COL19A1: variants seen among roughly 807,000 people sequenced by gnomAD.
COL19A1 encodes the protein collagen alpha-1(XIX) chain.
COL19A1 carries 159 observed loss-of-function variants against 190.2 expected under a neutral mutation model. The observed-to-expected ratio is 0.84, with a 90% CI of 0.73 to 0.95. COL19A1 has a LOEUF of 0.95. COL19A1 is among the 40% of genes least tolerant of loss of function. The pLI is 0.00. For missense variants in COL19A1, 1,418 were observed against 1,431.9 expected (o/e 0.99, Z 0.16); for synonymous variants, 509 against 458.9 (o/e 1.11, Z -1.39).
At chr6:70,091,118 C>A (rs555363503) in intron 15 of COL19A1, among the ~76,000 whole-genome samples, 1 of 152,216 alleles carries the variant, frequency 6.6e-6, no homozygotes, top group South Asian at 2.1e-4. Context: ...AAATTCGTAT[C>A]TTTATTTATT....
At chr6:70,051,069 A>G (rs1464829165) in intron 14 of COL19A1, among the ~76,000 whole-genome samples, 1 of 152,140 alleles carries the variant, frequency 6.6e-6, no homozygotes, top group Admixed American at 6.6e-5. Context: ...TTTCAACTCT[A>G]AAATTCTGTT....
intron 9 of COL19A1, among the ~76,000 whole-genome samples, chr6:69,954,459 C>G (rs572860331): frequency 6.6e-6 from 1 of 151,930 alleles, no homozygotes; most frequent in African/African-American, 2.4e-5. Flanking sequence ...TAGAAAACTT[C>G]GCTGAGGAAA....
intron 11 of COL19A1, among the ~76,000 whole-genome samples, chr6:69,995,351 A>C (rs1776845271): frequency 1.3e-5 from 2 of 152,184 alleles, no homozygotes; most frequent in Non-Finnish European, 2.9e-5. Context: ...ATCACTATCT[A>C]ATAGTATATT....
chr6:70,192,720 T>C (rs1038925221), intron 48 of COL19A1, among the ~76,000 whole-genome samples: 1 of 152,192 alleles, frequency 6.6e-6, no homozygotes, highest in African/African-American at 2.4e-5. Flanking sequence ...TAAAAAATGA[T>C]TAAGAATTTT....
chr6:69,925,899 G>T (rs1212680861), intron 4 of COL19A1, among the ~76,000 whole-genome samples: 1 of 152,122 alleles, frequency 6.6e-6, no homozygotes, highest in Non-Finnish European at 1.5e-5. Flanking sequence ...TTTGTTATTG[G>T]TGTATAAGAA....
chr6:70,207,073 C>T (rs2150312795), intron 50 of COL19A1, 74 bp from the exon 51 acceptor site: 1 of 1,600,794 alleles, frequency 6.2e-7, no homozygotes, highest in East Asian at 2.2e-5. Context: ...TCGAGTGATC[C>T]ATGTTGGCTA....
intron 14 of COL19A1, among the ~76,000 whole-genome samples, chr6:70,061,223 TA>T (rs1419403985): frequency 1.3e-5 from 2 of 152,192 alleles, no homozygotes; most frequent in East Asian, 3.8e-4. Flanking sequence ...CTAATGATAA[TA>T]TTAAAATTAT....
intron 25 of COL19A1, among the ~76,000 whole-genome samples, chr6:70,146,357 T>A (rs1270165401): frequency 1.3e-5 from 2 of 152,184 alleles, no homozygotes; most frequent in Non-Finnish European, 2.9e-5. Context: ...ATAACCAATG[T>A]TTTTAAAATA....
chr6:70,154,926 G>A (rs1679654547), intron 31 of COL19A1, among the ~76,000 whole-genome samples: 1 of 152,094 alleles, frequency 6.6e-6, no homozygotes, highest in Non-Finnish European at 1.5e-5. Flanking sequence ...CTGATTAGAT[G>A]GTGCTCACCC....
At position 70,176,526 on chromosome 6, in the gene COL19A1, C is replaced by G. The variant is rs773583688; in HGVS notation, c.2629C>G (p.Arg877Gly). The G allele has an allele frequency of 1.9e-6, 3 of 1,613,326 alleles. No individual in the cohort carries two copies. The African/African-American group carries it at 4.0e-5, about 22-fold the overall frequency. ...TGTTTTTAAATCCCAACAGGGAGAT[C>G]GAGGCCCAGCAGGTCCCCCAGGAAT... ...LEGFPGVKGD[R>G]GPAGPPGIAG... Residue 877 changes from arginine (R) to glycine (G), a missense_variant, in exon 42 of 51, where the codon CGA becomes GGA. Coordinates refer to ENST00000620364, the MANE Select transcript of COL19A1 (RefSeq NM_001858.6).
chr6:70,109,561 TG>T (rs1298074448), intron 16 of COL19A1, among the ~76,000 whole-genome samples: 8 of 151,642 alleles, frequency 5.3e-5, no homozygotes, highest in African/African-American at 1.9e-4. Context: ...TGTGTGTGTG[TG>T]TGTGTGTGTG....
intron 4 of COL19A1, among the ~76,000 whole-genome samples, chr6:69,919,864 G>A (rs1313541633): frequency 6.6e-6 from 1 of 152,004 alleles, no homozygotes; most frequent in East Asian, 1.9e-4. Flanking sequence ...TATAGGTTGG[G>A]AGTTCTAGAC....
At chr6:70,134,242 A>G (rs560352952) in intron 18 of COL19A1, among the ~76,000 whole-genome samples, 24 of 152,310 alleles carry the variant, frequency 1.6e-4, no homozygotes, top group Admixed American at 1.4e-3. Context: ...TTGTTCCTAA[A>G]TGTATCCCCC....
Position 70,130,830 on chromosome 6 carries a change from G to A in COL19A1, c.1383+607G>A, listed in dbSNP as rs984250842. Among the ~76,000 whole-genome samples, 6 of 152,210 alleles carry A rather than the reference G, an allele frequency of 3.9e-5. 1 individual carries two copies. Among genetic ancestry groups the A allele is most frequent in the African/African-American group, 7.2e-5 (3 of 41,454 alleles). On this transcript the variant is annotated intron_variant, in intron 18 of 50. Transcript: ENST00000620364. ...TTGTTTTGTAATTAAATGTGAATCC[G>A]TGTAGGTGGCAAAAACAATCTGAAG...
In COL19A1 at chr6:69,928,069, T is replaced by C. The variant is rs753936338; in HGVS notation, c.390+37T>C. 29 of 1,596,854 alleles carry C rather than the reference T, an allele frequency of 1.8e-5. 1 individual carries two copies. The South Asian group carries it at 3.0e-4, about 17-fold the overall frequency. ...TTAGAGTTGTGCTCATTAGTTTTCC[T>C]TGTGTAATTAAGCCAGGTGAATTAT... On this transcript the variant is annotated intron_variant, in intron 5 of 50. Coordinates refer to ENST00000620364, the MANE Select transcript of COL19A1 (RefSeq NM_001858.6).
rs141948509 is a variant in COL19A1, at chr6:70,144,947, C to T, written c.1710C>T (p.Pro570=). 251 of 1,589,044 alleles carry T rather than the reference C, an allele frequency of 1.6e-4. No individual in the cohort carries two copies. The African/African-American group carries it at 2.7e-3, about 17-fold the overall frequency. Residue 570 remains proline (P), a synonymous_variant, in exon 25 of 51, where the codon CCC becomes CCT. Transcript: ENST00000620364. ...ATCCGGGTGGGATCATAGGCCCTCC[C>T]GGGCTTCCAGGTCCAAAAGGTGAGG... ...KGDPGGIIGP[P]GLPGPKGEAG... is the part of the protein sequence containing the mutation.
rs185499202 is a variant in COL19A1 at position 70,082,393 on chromosome 6, T to C, written c.1224+13917T>C. On this transcript the variant is annotated intron_variant, in intron 15 of 50. Transcript: ENST00000620364. ...CTATCTTAATGTCATTAAAACAAAA[T>C]AATGAAGCACTTTTTTAATTAATTA... is the stretch of plus-strand genomic sequence containing the variant. Among the ~76,000 whole-genome samples, 592 of 152,302 alleles carry C rather than the reference T, an allele frequency of 3.9e-3. 3 individuals are homozygous for C. The highest frequency in any genetic ancestry group is 0.014 in the African/African-American group (573 of 41,580).
At chr6:70,206,329 A>G (rs1160791635) in intron 49 of COL19A1, among the ~76,000 whole-genome samples, 7 of 152,206 alleles carry the variant, frequency 4.6e-5, no homozygotes, top group Non-Finnish European at 1.0e-4. Flanking sequence ...TCTCGCTATC[A>G]AGAGTATAAC....
chr6:69,870,303 A>C (rs554565322), intron 1 of COL19A1, among the ~76,000 whole-genome samples: 1 of 152,354 alleles, frequency 6.6e-6, no homozygotes, highest in African/African-American at 2.4e-5. Context: ...GAAGAGAAAG[A>C]ATGCAAAGGA....
Sources: allele counts gnomAD v4.1 joint callset (sites outside exome capture counted in the v4.1 genomes callset), GRCh38; gene constraint gnomAD v4.1.1; transcripts MANE v1.5; gene names NCBI Gene and HGNC (gene_info 2026-07-23, HGNC 2026-07-21).